Variants in CFDP1 observed in about 807,000 individuals in gnomAD.
CFDP1 encodes chromatin remodeling protein CFDP1, also known as heterochromatin-stabilizing protein CFDP1.
Under a neutral mutation model 40.1 loss-of-function variants are expected in CFDP1, and 31 were observed. The ratio of observed to expected loss-of-function variants is 0.77; its 90% CI spans 0.58 to 1.04. The LOEUF is 1.04. Among genes scored for constraint, CFDP1 ranks in the 50% least tolerant of loss-of-function variants. CFDP1 has a pLI of 0.00. For missense variants in CFDP1, 423 were observed against 343.4 expected (o/e 1.23, Z -1.83); for synonymous variants, 167 against 120.0 (o/e 1.39, Z -2.56).
At chr16:75,371,934 G>C (rs1233333105) in intron 5 of CFDP1, among the ~76,000 whole-genome samples, 2 of 152,134 alleles carry the variant, frequency 1.3e-5, no homozygotes, top group Non-Finnish European at 2.9e-5. Flanking sequence ...TAGGGAAAAG[G>C]GAAAAACTAC....
chr16:75,372,953 G>A (rs1010138160), intron 5 of CFDP1, among the ~76,000 whole-genome samples: 1 of 152,094 alleles, frequency 6.6e-6, no homozygotes, highest in Non-Finnish European at 1.5e-5. Flanking sequence ...TTTATCAACT[G>A]TAAAAGAAAA....
intron 1 of CFDP1, 42 bp downstream of exon 1, chr16:75,433,247 G>A (rs1294913358): frequency 6.5e-7 from 1 of 1,546,310 alleles, no homozygotes; most frequent in African/African-American, 1.4e-5. Context: ...GTGAGGCGTG[G>A]GGCGGGGCAA....
intron 1 of CFDP1, among the ~76,000 whole-genome samples, chr16:75,432,236 T>G (rs1406582089): frequency 6.7e-6 from 1 of 150,022 alleles, no homozygotes; most frequent in African/African-American, 2.4e-5. Flanking sequence ...CAACGTGCCT[T>G]TTAGAAATAC....
chr16:75,361,807 T>G (rs943731082), intron 5 of CFDP1, among the ~76,000 whole-genome samples: 1 of 152,230 alleles, frequency 6.6e-6, no homozygotes, highest in African/African-American at 2.4e-5. Context: ...TTGTCTGGTT[T>G]CTTTTTGAAT....
chr16:75,351,546 G>A (rs2078611068), intron 5 of CFDP1, among the ~76,000 whole-genome samples: 1 of 152,098 alleles, frequency 6.6e-6, no homozygotes, highest in African/African-American at 2.4e-5. Context: ...AATCAATAAG[G>A]ATAATGACTG....
At chr16:75,418,054 G>A (rs1483813485) in intron 1 of CFDP1, among the ~76,000 whole-genome samples, 2 of 151,834 alleles carry the variant, frequency 1.3e-5, no homozygotes, top group Admixed American at 1.3e-4. Flanking sequence ...AGGAGTTCGA[G>A]ACCAGTCTGG....
At chr16:75,312,687 G>C (rs962716247) in intron 5 of CFDP1, among the ~76,000 whole-genome samples, 3 of 152,168 alleles carry the variant, frequency 2.0e-5, no homozygotes, top group Non-Finnish European at 2.9e-5. Context: ...TTTCTTCCAT[G>C]TGTTGTTGAG....
chr16:75,332,806 T>C (rs1597336987), intron 5 of CFDP1, among the ~76,000 whole-genome samples: 1 of 151,236 alleles, frequency 6.6e-6, no homozygotes, highest in Non-Finnish European at 1.5e-5. Flanking sequence ...TTCTTTTTTT[T>C]TTTTTCCTTT....
intron 5 of CFDP1, among the ~76,000 whole-genome samples, chr16:75,319,461 G>A (rs1243105641): frequency 6.6e-6 from 1 of 152,146 alleles, no homozygotes; most frequent in African/African-American, 2.4e-5. Flanking sequence ...GGGGGAACGT[G>A]CTTTATGGTC....
chr16:75,338,523 A>G (rs1198029769), intron 5 of CFDP1, among the ~76,000 whole-genome samples: 1 of 152,218 alleles, frequency 6.6e-6, no homozygotes, highest in Non-Finnish European at 1.5e-5. Flanking sequence ...TGGATATCAG[A>G]GCACAGTGTG....
chr16:75,327,221 A>G (rs549319475), intron 5 of CFDP1, among the ~76,000 whole-genome samples: 1 of 152,272 alleles, frequency 6.6e-6, no homozygotes, highest in African/African-American at 2.4e-5. Context: ...GAGCCAAGAT[A>G]GAGCCACTGC....
intron 1 of CFDP1, among the ~76,000 whole-genome samples, chr16:75,423,527 T>C (rs1046354194): frequency 6.6e-6 from 1 of 151,848 alleles, no homozygotes; most frequent in Non-Finnish European, 1.5e-5. Flanking sequence ...TTTTTTTTTG[T>C]TTTTTGAGAC....
intron 5 of CFDP1, among the ~76,000 whole-genome samples, chr16:75,380,603 G>GTA (rs1400185628): frequency 6.6e-6 from 1 of 152,078 alleles, no homozygotes. Flanking sequence ...AGAAGAAAGT[G>GTA]TATCTAAGCT....
intron 5 of CFDP1, among the ~76,000 whole-genome samples, chr16:75,352,326 G>A (rs949857690): frequency 6.6e-6 from 1 of 151,850 alleles, no homozygotes; most frequent in Non-Finnish European, 1.5e-5. Context: ...GGGCAACAGA[G>A]TAAGACTTTG....
At chr16:75,330,236 G>GA (rs1567647583) in intron 5 of CFDP1, among the ~76,000 whole-genome samples, 1 of 152,162 alleles carries the variant, frequency 6.6e-6, no homozygotes, top group Non-Finnish European at 1.5e-5. Flanking sequence ...GCAAGGCTGT[G>GA]GACTCAATTT....
At chr16:75,352,914 A>G (rs931745373) in intron 5 of CFDP1, among the ~76,000 whole-genome samples, 3 of 152,216 alleles carry the variant, frequency 2.0e-5, no homozygotes, top group African/African-American at 7.2e-5. Context: ...TCTTGATAAG[A>G]AAAACTATAT....
chr16:75,346,582 C>CAAAAAAAAAAAAA (rs748081401), intron 5 of CFDP1, among the ~76,000 whole-genome samples: 51 of 59,342 alleles, frequency 8.6e-4, no homozygotes, highest in Admixed American at 9.6e-4. Context: ...GACTCTGTCT[C>CAAAAAAAAAAAAA]AAAAAAAAAA....
chr16:75,408,245 T>G (rs8046696), intron 4 of CFDP1, among the ~76,000 whole-genome samples: 78,473 of 151,314 alleles, frequency 0.52, 21,295 homozygotes, highest in Admixed American at 0.64. Flanking sequence ...AAATGAAACT[T>G]TTTTAAAATG....
chr16:75,387,301 C>T (rs755718092), intron 5 of CFDP1, among the ~76,000 whole-genome samples: 4 of 152,126 alleles, frequency 2.6e-5, no homozygotes, highest in Admixed American at 6.5e-5. Context: ...CCACCACGCC[C>T]GGAGAATTTT....
Sources: allele counts gnomAD v4.1 joint callset (sites outside exome capture counted in the v4.1 genomes callset), GRCh38; gene constraint gnomAD v4.1.1; transcripts MANE v1.5; gene names NCBI Gene and HGNC (gene_info 2026-07-23, HGNC 2026-07-21).